The following PEX14 variants were observed in gnomAD, a reference collection of about 807,000 sequenced individuals.
PEX14 encodes the protein peroxisomal biogenesis factor 14, also known as peroxisomal membrane protein PEX14.
In PEX14, 15 loss-of-function variants were observed where a neutral mutation model predicts 49.5. The observed-to-expected ratio is 0.30, with a 90% confidence interval of 0.20 to 0.47. The LOEUF (loss-of-function observed/expected upper bound fraction) is 0.47. Ranked by LOEUF, PEX14 falls within the 20% of genes least tolerant of loss-of-function variation. The pLI, the probability that PEX14 is intolerant of heterozygous loss-of-function variation, is 1.00. For missense variants in PEX14, 398 were observed against 494.8 expected, an observed-to-expected ratio of 0.80 and a Z score of 1.86; for synonymous variants, 210 against 212.7, an observed-to-expected ratio of 0.99 and a Z score of 0.11.
intron 4 of PEX14, among the ~76,000 whole-genome samples, chr1:10,605,909 G>C (rs1265751701): frequency 6.6e-6 from 1 of 152,172 alleles, no homozygotes; most frequent in Non-Finnish European, 1.5e-5. Context: ...TGTTCTGCCT[G>C]GTGTGGTGCC....
chr1:10,528,812 C>A (rs958105205), intron 2 of PEX14, among the ~76,000 whole-genome samples: 3 of 152,244 alleles, frequency 2.0e-5, no homozygotes, highest in African/African-American at 7.2e-5. Flanking sequence ...GTCTCTGGCA[C>A]ATAAACCTTT....
At chr1:10,548,031 C>T (rs940479512) in intron 3 of PEX14, among the ~76,000 whole-genome samples, 3 of 152,122 alleles carry the variant, frequency 2.0e-5, no homozygotes, top group Non-Finnish European at 4.4e-5. Context: ...GTCTGGTCAA[C>T]ATGGTGAAAC....
intron 4 of PEX14, among the ~76,000 whole-genome samples, chr1:10,603,198 A>G (rs1298981629): frequency 7.2e-5 from 11 of 152,210 alleles, no homozygotes; most frequent in Non-Finnish European, 1.5e-4. Flanking sequence ...TAACAGTTCA[A>G]TTTCTCAGTA....
chr1:10,572,844 GT>G (rs1640018064), intron 3 of PEX14, among the ~76,000 whole-genome samples: 1 of 152,100 alleles, frequency 6.6e-6, no homozygotes, highest in African/African-American at 2.4e-5. Context: ...CCAGAGATAT[GT>G]TCTAAGAAAC....
At chr1:10,546,232 A>C (rs1360298423) in intron 3 of PEX14, among the ~76,000 whole-genome samples, 1 of 152,124 alleles carries the variant, frequency 6.6e-6, no homozygotes, top group Admixed American at 6.5e-5. Flanking sequence ...GAATTCGTGC[A>C]TCAGGAACCT....
intron 3 of PEX14, among the ~76,000 whole-genome samples, chr1:10,569,945 C>A (rs1202879653): frequency 6.6e-6 from 1 of 152,022 alleles, no homozygotes; most frequent in East Asian, 1.9e-4. Context: ...AATGTGAAAT[C>A]TTCTTGTATT....
Position 10,630,183 on chromosome 1 carries a change from G to GCCAGCCCGAGCC in PEX14, c.*203_*204insGAGCCCCAGCCC. On this transcript the variant is annotated 3_prime_UTR_variant, in exon 9 of 9. Transcript: ENST00000356607. This position sits in a 1 kb window ranked among gnomAD's most constrained non-coding sequence, Gnocchi z 4.1. ...CCACCTGGCCTCCTCTCGCCTGGCC[G>GCCAGCCCGAGCC]CCAGCCCCAGCCCCAGCCCCAGCCC... 1 of 828,408 alleles carries GCCAGCCCGAGCC rather than the reference G, an allele frequency of 1.2e-6. No individual in the cohort carries two copies. The highest frequency in any genetic ancestry group is 1.8e-6 in the Non-Finnish European group (1 of 544,818). 51.3% of individuals were successfully genotyped at this position (828,408 alleles called of 1,614,324 possible).
Position 10,544,657 on chromosome 1 carries a change from C to T in PEX14, c.169+8360C>T, listed in dbSNP as rs529253226. 2.0e-5 allele frequency among the ~76,000 whole-genome samples: 3 copies of T among 152,272 alleles called. No individual in the cohort carries two copies. The East Asian group carries it at 5.8e-4, about 29-fold the overall frequency. ...ACATGCCCAGCATCCCCAAAAGTTT[C>T]CTCCTACCCCTTGGTAATCCCTTCC... On this transcript the variant is annotated intron_variant, in intron 3 of 8. Coordinates refer to ENST00000356607, the MANE Select transcript of PEX14 (RefSeq NM_004565.3).
intron 1 of PEX14, among the ~76,000 whole-genome samples, chr1:10,475,379 C>G (rs1641177591): frequency 6.6e-6 from 1 of 152,178 alleles, no homozygotes; most frequent in Admixed American, 6.5e-5. Flanking sequence ...GCTGTCCCCT[C>G]CGGGGAGGGG....
intron 3 of PEX14, among the ~76,000 whole-genome samples, chr1:10,569,199 GA>G (rs1312767355): frequency 6.6e-6 from 1 of 152,130 alleles, no homozygotes; most frequent in Non-Finnish European, 1.5e-5. Context: ...TAATAAATGT[GA>G]AAAGTATGTA....
chr1:10,589,613 A>G (rs1021930260), intron 3 of PEX14, among the ~76,000 whole-genome samples: 12 of 151,738 alleles, frequency 7.9e-5, no homozygotes, highest in Admixed American at 2.0e-4. Flanking sequence ...GGGTCTCACT[A>G]TGTTGCCCAG....
At chr1:10,497,008 C>G (rs570382611) in intron 2 of PEX14, among the ~76,000 whole-genome samples, 42 of 151,980 alleles carry the variant, frequency 2.8e-4, no homozygotes, top group Non-Finnish European at 5.1e-4. Flanking sequence ...GAAATAAACT[C>G]CCATCTCATT....
intron 3 of PEX14, among the ~76,000 whole-genome samples, chr1:10,576,193 A>G (rs980880924): frequency 6.6e-6 from 1 of 152,154 alleles, no homozygotes; most frequent in African/African-American, 2.4e-5. Context: ...TTTTTAATAT[A>G]TAAAAGTGAT....
chr1:10,605,526 A>C (rs1014962460), intron 4 of PEX14, among the ~76,000 whole-genome samples: 2 of 152,228 alleles, frequency 1.3e-5, no homozygotes, highest in Admixed American at 6.5e-5. Context: ...AGTCAGCCAT[A>C]AGGTAGACCC....
At chr1:10,601,525 G>A (rs1042929995) in intron 4 of PEX14, among the ~76,000 whole-genome samples, 4 of 152,170 alleles carry the variant, frequency 2.6e-5, no homozygotes, top group Non-Finnish European at 5.9e-5. Flanking sequence ...CTTATTTAGA[G>A]ATCTCCTCCT....
chr1:10,622,446 C>T (rs188721167), intron 5 of PEX14, among the ~76,000 whole-genome samples: 1 of 152,274 alleles, frequency 6.6e-6, no homozygotes, highest in African/African-American at 2.4e-5. Context: ...ACATGTTATC[C>T]CCTGGCGAGA....
At chr1:10,589,780 T>C (rs909212834) in intron 3 of PEX14, among the ~76,000 whole-genome samples, 2 of 152,198 alleles carry the variant, frequency 1.3e-5, no homozygotes, top group Non-Finnish European at 1.5e-5. Context: ...GTCAAAGGTA[T>C]GAACATTTTT....
chr1:10,610,209 CT>C (rs1641239850), intron 4 of PEX14, among the ~76,000 whole-genome samples: 4 of 148,580 alleles, frequency 2.7e-5, no homozygotes, highest in Admixed American at 2.7e-4. Context: ...AAGCCTTTGT[CT>C]ACCCCAAGGT....
At chr1:10,558,679 G>A (rs1367930244) in intron 3 of PEX14, among the ~76,000 whole-genome samples, 1 of 150,928 alleles carries the variant, frequency 6.6e-6, no homozygotes, top group African/African-American at 2.4e-5. Context: ...AGAGATTGTG[G>A]TGAGCTGAGA....
Sources: gnomAD v4.1 joint callset for allele counts (sites outside exome capture counted in the v4.1 genomes callset) on GRCh38, gnomAD v4.1.1 for gene constraint, Gnocchi (gnomAD v3.1) non-coding constraint, MANE v1.5 for transcripts, NCBI Gene and HGNC (gene_info 2026-07-23, HGNC 2026-07-21) for gene names.